The following ROBO1 variants were observed in gnomAD, a reference collection of about 807,000 sequenced individuals.
ROBO1 encodes the protein roundabout guidance receptor 1.
In ROBO1, 149 loss-of-function variants were observed where a neutral mutation model predicts 195.9. The observed-to-expected ratio is 0.76, with a 90% CI of 0.67 to 0.87. The LOEUF is 0.87. Among genes scored for constraint, ROBO1 ranks in the 40% least tolerant of loss-of-function variants. ROBO1 has a pLI of 0.00. For synonymous variants in ROBO1, 816 were observed against 733.2 expected (o/e 1.11, Z -1.82); for missense variants, 1,933 against 2,068.3 (o/e 0.93, Z 1.27).
chr3:79,538,032 T>C (rs114038616), intron 2 of ROBO1, among the ~76,000 whole-genome samples: 1,687 of 152,270 alleles, frequency 0.011, 31 homozygotes, highest in African/African-American at 0.038. Context: ...GGGTCGTCGA[T>C]TGGACAAGCT....
intron 2 of ROBO1, among the ~76,000 whole-genome samples, chr3:79,347,023 A>G (rs1390059052): frequency 6.6e-6 from 1 of 152,096 alleles, no homozygotes; most frequent in Non-Finnish European, 1.5e-5. Flanking sequence ...TAAAAAAAAT[A>G]GGTTTTACAA....
intron 4 of ROBO1, among the ~76,000 whole-genome samples, chr3:78,880,458 C>T (rs1217386586): frequency 2.0e-5 from 3 of 151,688 alleles, no homozygotes; most frequent in Admixed American, 6.6e-5. Context: ...AACTTTTTGT[C>T]CTCCCCACAA....
intron 2 of ROBO1, among the ~76,000 whole-genome samples, chr3:79,369,540 T>C (rs2036111412): frequency 6.6e-6 from 1 of 152,228 alleles, no homozygotes; most frequent in South Asian, 2.1e-4. Context: ...CATTTTCTAT[T>C]TGCTACATAG....
At chr3:79,118,739 G>A (rs1484827576) in intron 3 of ROBO1, among the ~76,000 whole-genome samples, 2 of 151,720 alleles carry the variant, frequency 1.3e-5, no homozygotes, top group South Asian at 2.1e-4. Flanking sequence ...ATGGTGGTGC[G>A]TCCCTGTAGT....
At chr3:78,691,263 A>G (rs2081168107) in intron 8 of ROBO1, among the ~76,000 whole-genome samples, 2 of 152,110 alleles carry the variant, frequency 1.3e-5, no homozygotes, top group African/African-American at 4.8e-5. Context: ...GATATTTATG[A>G]TGAAATTTTG....
chr3:79,115,992 A>G (rs1559671197), intron 3 of ROBO1, among the ~76,000 whole-genome samples: 1 of 152,206 alleles, frequency 6.6e-6, no homozygotes. Flanking sequence ...TTATGGCACC[A>G]TAACTGCCTT....
At chr3:78,797,882 A>T (rs1249342813) in intron 4 of ROBO1, among the ~76,000 whole-genome samples, 1 of 152,180 alleles carries the variant, frequency 6.6e-6, no homozygotes, top group Non-Finnish European at 1.5e-5. Context: ...ACAAAAGGTG[A>T]CCTGTTTGTA....
chr3:79,670,614 G>T (rs1490305921), intron 1 of ROBO1, among the ~76,000 whole-genome samples: 1 of 151,724 alleles, frequency 6.6e-6, no homozygotes, highest in East Asian at 1.9e-4. Flanking sequence ...TTTGAAAAAA[G>T]CACATTGAAA....
chr3:78,786,440 A>AT lies in ROBO1; in HGVS notation c.500-39541dup, dbSNP rs1259154768. Among the ~76,000 whole-genome samples, 3 of 152,198 alleles carry AT rather than the reference A, an allele frequency of 2.0e-5. No individual in the cohort carries two copies. The East Asian group carries it at 5.8e-4, about 29-fold the overall frequency. On this transcript the variant is annotated intron_variant, in intron 4 of 30. Transcript: ENST00000464233. ...TGATGCTATTATATACATATTTCAGATTATTATTTTATTTAATCCTCATGA... is the reference window on the plus strand; with the variant it reads ...TGATGCTATTATATACATATTTCAGATTTATTATTTTATTTAATCCTCATGA...
chr3:79,285,202 G>T (rs1346802489), intron 2 of ROBO1, among the ~76,000 whole-genome samples: 2 of 152,088 alleles, frequency 1.3e-5, no homozygotes, highest in Non-Finnish European at 2.9e-5. Context: ...CAGAGGTAAT[G>T]TTTTGGCTAT....
intron 2 of ROBO1, among the ~76,000 whole-genome samples, chr3:79,326,026 G>C (rs927323501): frequency 1.1e-4 from 16 of 152,238 alleles, no homozygotes; most frequent in African/African-American, 2.9e-4. Context: ...CTATGGTCGA[G>C]GCTGTAGGGG....
intron 1 of ROBO1, among the ~76,000 whole-genome samples, chr3:79,630,965 G>A (rs1233802908): frequency 6.6e-6 from 1 of 151,746 alleles, no homozygotes; most frequent in African/African-American, 2.4e-5. Context: ...ACTGAGGAAA[G>A]ACATTGGGAT....
intron 2 of ROBO1, among the ~76,000 whole-genome samples, chr3:79,343,373 C>T (rs1265056353): frequency 6.6e-6 from 1 of 152,094 alleles, no homozygotes; most frequent in African/African-American, 2.4e-5. Flanking sequence ...TGCTGGATCA[C>T]ATGGTAAGAG....
intron 10 of ROBO1, among the ~76,000 whole-genome samples, chr3:78,675,549 G>A (rs1038186246): frequency 5.3e-5 from 8 of 152,226 alleles, no homozygotes; most frequent in East Asian, 3.9e-4. Context: ...CTACACCCAC[G>A]GAGTCTCGCT....
intron 1 of ROBO1, among the ~76,000 whole-genome samples, chr3:79,747,270 C>T (rs142396144): frequency 9.2e-5 from 14 of 151,852 alleles, no homozygotes; most frequent in African/African-American, 3.4e-4. Flanking sequence ...GTTTGTTTAT[C>T]TGGATTTAAA....
intron 28 of ROBO1, among the ~76,000 whole-genome samples, chr3:78,612,956 T>C (rs868370293): frequency 1.3e-5 from 2 of 152,144 alleles, no homozygotes; most frequent in South Asian, 4.1e-4. Flanking sequence ...AAAACATAAC[T>C]TGGAGGCATC....
intron 2 of ROBO1, among the ~76,000 whole-genome samples, chr3:79,379,288 C>T (rs559689833): frequency 3.3e-5 from 5 of 152,290 alleles, no homozygotes; most frequent in Non-Finnish European, 5.9e-5. Flanking sequence ...CATGTTTTCA[C>T]GGCCAGCAGA....
intron 2 of ROBO1, among the ~76,000 whole-genome samples, chr3:79,504,340 A>C (rs894897833): frequency 6.6e-6 from 1 of 152,132 alleles, no homozygotes; most frequent in African/African-American, 2.4e-5. Flanking sequence ...GACTAATATA[A>C]ATGTATAAAT....
chr3:79,688,121 T>A (rs983730553), intron 1 of ROBO1, among the ~76,000 whole-genome samples: 1 of 147,452 alleles, frequency 6.8e-6, no homozygotes, highest in African/African-American at 2.5e-5. Context: ...TCGCAAGGAC[T>A]AAAAACCAAA....
Sources: allele counts gnomAD v4.1 joint callset (sites outside exome capture counted in the v4.1 genomes callset), GRCh38; gene constraint gnomAD v4.1.1; transcripts MANE v1.5; gene names NCBI Gene and HGNC (gene_info 2026-07-23, HGNC 2026-07-21).